Variants in LDLRAD4 observed in about 807,000 individuals in gnomAD.
The protein encoded by LDLRAD4 is low-density lipoprotein receptor class A domain-containing protein 4.
Under a neutral mutation model 17.0 loss-of-function variants are expected in LDLRAD4, and 5 were observed. That is an observed-to-expected ratio of 0.29 (90% confidence interval 0.15 to 0.62). LDLRAD4 has a LOEUF of 0.62. Among genes scored for constraint, LDLRAD4 ranks in the 20% least tolerant of loss-of-function variants. The pLI is 0.84. For missense variants in LDLRAD4, 340 were observed against 424.7 expected, an observed-to-expected ratio of 0.80 and a Z score of 1.75; for synonymous variants, 168 against 171.8, an observed-to-expected ratio of 0.98 and a Z score of 0.17.
intron 3 of LDLRAD4, among the ~76,000 whole-genome samples, chr18:13,507,712 T>C (rs1468367922): frequency 6.6e-6 from 1 of 152,218 alleles, no homozygotes; most frequent in Non-Finnish European, 1.5e-5. Flanking sequence ...GACAGTGAAC[T>C]TAGTGTTGTG....
At chr18:13,403,086 GA>G (rs2087375546) in intron 2 of LDLRAD4, among the ~76,000 whole-genome samples, 1 of 152,142 alleles carries the variant, frequency 6.6e-6, no homozygotes, top group African/African-American at 2.4e-5. Flanking sequence ...TTTTTAAGTG[GA>G]AAAAAGTACA....
intron 3 of LDLRAD4, among the ~76,000 whole-genome samples, chr18:13,552,526 G>A (rs979803123): frequency 3.3e-5 from 5 of 152,158 alleles, no homozygotes; most frequent in Non-Finnish European, 7.3e-5. Context: ...AGCCAGTCAC[G>A]ATCCTTCCCC....
intron 3 of LDLRAD4, among the ~76,000 whole-genome samples, chr18:13,538,528 TG>T (rs1339527376): frequency 3.1e-4 from 40 of 129,176 alleles, no homozygotes; most frequent in Admixed American, 1.2e-3. Context: ...TTGATGTCTA[TG>T]ATTTTTTTTT....
intron 3 of LDLRAD4, among the ~76,000 whole-genome samples, chr18:13,483,175 T>A (rs2093134786): frequency 6.6e-6 from 1 of 152,200 alleles, no homozygotes; most frequent in Non-Finnish European, 1.5e-5. Flanking sequence ...GGACAGGTTT[T>A]ATCCCTGGTC....
intron 3 of LDLRAD4, among the ~76,000 whole-genome samples, chr18:13,447,071 C>T (rs2091456934): frequency 6.6e-6 from 1 of 152,220 alleles, no homozygotes; most frequent in Non-Finnish European, 1.5e-5. Context: ...AGGCCATGTT[C>T]AATGAATCAG....
intron 3 of LDLRAD4, among the ~76,000 whole-genome samples, chr18:13,560,703 G>T (rs1161826119): frequency 1.3e-5 from 2 of 152,220 alleles, no homozygotes; most frequent in African/African-American, 2.4e-5. Context: ...GATCTGCTGA[G>T]CTCAAGCTTC....
chr18:13,388,831 C>T (rs947737382), intron 2 of LDLRAD4, among the ~76,000 whole-genome samples: 1 of 152,236 alleles, frequency 6.6e-6, no homozygotes, highest in African/African-American at 2.4e-5. Flanking sequence ...CGCTTCCGTG[C>T]GCACCTGCAG....
intron 1 of LDLRAD4, among the ~76,000 whole-genome samples, chr18:13,232,148 C>T (rs1448068350): frequency 6.6e-6 from 1 of 152,216 alleles, no homozygotes; most frequent in African/African-American, 2.4e-5. Context: ...GGCGCGAGTA[C>T]GGTGCAGGCT....
chr18:13,233,166 G>A (rs938515245), intron 1 of LDLRAD4, among the ~76,000 whole-genome samples: 1 of 152,248 alleles, frequency 6.6e-6, no homozygotes, highest in Non-Finnish European at 1.5e-5. Flanking sequence ...GGACGTGAGC[G>A]GGCGAAGTGC....
intron 1 of LDLRAD4, among the ~76,000 whole-genome samples, chr18:13,329,705 C>T (rs898817884): frequency 2.6e-5 from 4 of 152,100 alleles, no homozygotes; most frequent in Admixed American, 6.6e-5. Flanking sequence ...GTATGAGTTA[C>T]GGATCCAATT....
intron 3 of LDLRAD4, among the ~76,000 whole-genome samples, chr18:13,484,476 G>C: frequency 6.6e-6 from 1 of 152,088 alleles, no homozygotes; most frequent in East Asian, 1.9e-4. Flanking sequence ...AGCTGGGTTC[G>C]GTGGTGTGCC....
chr18:13,235,970 A>G (rs1410419520), intron 1 of LDLRAD4, among the ~76,000 whole-genome samples: 1 of 152,206 alleles, frequency 6.6e-6, no homozygotes, highest in African/African-American at 2.4e-5. Flanking sequence ...TATTTTCTAC[A>G]ATGATCATGT....
At chr18:13,326,124 C>T (rs542338308) in intron 1 of LDLRAD4, among the ~76,000 whole-genome samples, 1 of 152,204 alleles carries the variant, frequency 6.6e-6, no homozygotes, top group African/African-American at 2.4e-5. Context: ...GTGACTGAGG[C>T]AGAGGTCTCA....
At chr18:13,557,902 TA>T (rs1174389173) in intron 3 of LDLRAD4, among the ~76,000 whole-genome samples, 1 of 152,234 alleles carries the variant, frequency 6.6e-6, no homozygotes. Context: ...CCAATCTCAT[TA>T]TTTTCACTTT....
chr18:13,638,164 G>A (rs567526875), intron 4 of LDLRAD4, among the ~76,000 whole-genome samples: 3 of 152,146 alleles, frequency 2.0e-5, no homozygotes, highest in South Asian at 2.1e-4. Flanking sequence ...CCAGCTATCC[G>A]GGAGGCTGAG....
At chr18:13,529,761 A>C (rs1470633917) in intron 3 of LDLRAD4, among the ~76,000 whole-genome samples, 1 of 152,200 alleles carries the variant, frequency 6.6e-6, no homozygotes, top group Admixed American at 6.5e-5. Flanking sequence ...TGCACAGAAG[A>C]CAGCGTTCTG....
rs141240404 is a variant in LDLRAD4, at chr18:13,449,231, G to A, written c.181+10847G>A. 5.6e-3 allele frequency among the ~76,000 whole-genome samples: 858 copies of A among 152,288 alleles called. 9 individuals carry two copies. Among genetic ancestry groups the A allele is most frequent in the African/African-American group, 0.019 (803 of 41,546 alleles). On this transcript the variant is annotated intron_variant, in intron 3 of 5. Coordinates refer to ENST00000359446, the Ensembl canonical transcript of LDLRAD4. ...CCTAGAAAAATTGCCGTGGTCCTCC[G>A]GAAGGTCCAGCTGTCCTTAGAGGGG...
intron 1 of LDLRAD4, among the ~76,000 whole-genome samples, chr18:13,239,186 C>A (rs1338371898): frequency 6.9e-4 from 84 of 121,220 alleles, no homozygotes; most frequent in African/African-American, 6.9e-4. Flanking sequence ...GACTCTGTCT[C>A]AAAAAAAAAA....
At chr18:13,382,473 T>C (rs939265939) in intron 1 of LDLRAD4, 21 of 152,234 alleles carry the variant, frequency 1.4e-4, no homozygotes, top group African/African-American at 5.1e-4. Flanking sequence ...TTTTTCCATT[T>C]GACGTGCTCT....
Sources: gnomAD v4.1 joint callset for allele counts (sites outside exome capture counted in the v4.1 genomes callset) on GRCh38, gnomAD v4.1.1 for gene constraint, MANE v1.5 for transcripts, NCBI Gene and HGNC (gene_info 2026-07-23, HGNC 2026-07-21) for gene names.